The following LRTM3 variants were observed in gnomAD, a reference collection of about 807,000 sequenced individuals.
LRTM3 encodes leucine-rich repeat transmembrane protein 3.
At chr13:102,730,827 G>A in the LRTM3 span, 2 of 1,551,328 alleles carry the variant, frequency 1.3e-6, no homozygotes, top group African/African-American at 1.4e-5. Flanking sequence ...AGGAGAAAAC[G>A]AAGGTATTTG....
the LRTM3 span, chr13:102,742,112 A>G: frequency 4.5e-6 from 7 of 1,550,326 alleles, no homozygotes; most frequent in African/African-American, 2.7e-5. Flanking sequence ...AAGCTTTTTA[A>G]TGCTAGACAC....
At chr13:102,729,455 C>T in the LRTM3 span, 1 of 1,451,934 alleles carries the variant, frequency 6.9e-7, no homozygotes, top group East Asian at 2.5e-5. Flanking sequence ...GTAATGTCAG[C>T]TATGAAAAAC....
chr13:102,732,538 T>C, the LRTM3 span: 3 of 1,551,256 alleles, frequency 1.9e-6, no homozygotes, highest in African/African-American at 1.4e-5. Flanking sequence ...ATAATTTTTG[T>C]AGTTGAATGC....
chr13:102,736,091 A>G, the LRTM3 span: 2 of 1,541,046 alleles, frequency 1.3e-6, no homozygotes, highest in African/African-American at 1.4e-5. Context: ...TTTTAGTATT[A>G]CTTTATGTGA....
the LRTM3 span, chr13:102,746,785 T>C: frequency 1.3e-6 from 2 of 1,551,270 alleles, no homozygotes; most frequent in Non-Finnish European, 1.7e-6. Context: ...TTCCATTACT[T>C]GGAATATAAC....
At chr13:102,754,205 C>CAAAAAAA in the LRTM3 span, among the ~76,000 whole-genome samples, 2 of 77,324 alleles carry the variant, frequency 2.6e-5, no homozygotes, top group African/African-American at 1.1e-4. Flanking sequence ...ACTCCATCTC[C>CAAAAAAA]AAAAAAAAAA....
chr13:102,748,529 T>C, the LRTM3 span: 5 of 1,550,788 alleles, frequency 3.2e-6, no homozygotes, highest in Non-Finnish European at 4.4e-6. Flanking sequence ...ATGGGAATTT[T>C]CTGAACTTTG....
chr13:102,734,996 A>G, the LRTM3 span: 1 of 1,551,172 alleles, frequency 6.4e-7, no homozygotes, highest in South Asian at 1.2e-5. Context: ...GAGTTTTACT[A>G]GGGGAAAAGA....
the LRTM3 span, chr13:102,736,452 T>C: frequency 6.4e-7 from 1 of 1,551,162 alleles, no homozygotes. Context: ...TGTTTCTCTT[T>C]CTTTACAAGG....
At chr13:102,737,412 C>T in the LRTM3 span, 2 of 1,550,762 alleles carry the variant, frequency 1.3e-6, no homozygotes, top group Admixed American at 3.9e-5. Flanking sequence ...AGGAAGAGAA[C>T]TGTTTCCTGT....
chr13:102,729,852 C>A, the LRTM3 span: 23 of 1,551,762 alleles, frequency 1.5e-5, no homozygotes, highest in East Asian at 5.4e-4. Flanking sequence ...CTAAATAAAT[C>A]AGATCTGGCC....
the LRTM3 span, chr13:102,740,129 GT>G: frequency 2.3e-5 from 35 of 1,547,900 alleles, no homozygotes; most frequent in Non-Finnish European, 3.0e-5. Flanking sequence ...TGCCTTTTGT[GT>G]TTCTATCTTC....
At chr13:102,749,632 T>C in the LRTM3 span, 2 of 1,551,448 alleles carry the variant, frequency 1.3e-6, no homozygotes, top group East Asian at 2.4e-5. Context: ...AGGAGTCTTG[T>C]GTGCTGCTAG....
chr13:102,736,659 C>G, the LRTM3 span: 15 of 1,550,700 alleles, frequency 9.7e-6, no homozygotes, highest in African/African-American at 1.4e-5. Flanking sequence ...CCTTCTTGTG[C>G]CTTTTCCCCT....
At chr13:102,749,414 A>G in the LRTM3 span, 5 of 1,551,402 alleles carry the variant, frequency 3.2e-6, no homozygotes, top group Non-Finnish European at 4.4e-6. Context: ...ATTTGGATTC[A>G]GAGTTAAAAC....
chr13:102,734,714 C>G, the LRTM3 span: 1 of 1,551,134 alleles, frequency 6.4e-7, no homozygotes, highest in African/African-American at 1.4e-5. Context: ...TCTTTTAAGT[C>G]TTAGCATTTC....
At chr13:102,744,961 T>C in the LRTM3 span, 1 of 1,550,834 alleles carries the variant, frequency 6.4e-7, no homozygotes, top group Non-Finnish European at 8.7e-7. Context: ...TTGCACCAGT[T>C]AAAACTTCAC....
At chr13:102,748,888 A>G in the LRTM3 span, 1 of 1,550,068 alleles carries the variant, frequency 6.5e-7, no homozygotes. Context: ...TTTCCTTTTT[A>G]GTAATATCTG....
the LRTM3 span, chr13:102,758,592 A>C: frequency 6.5e-7 from 1 of 1,544,528 alleles, no homozygotes; most frequent in Non-Finnish European, 8.7e-7. Context: ...TTAATGGAAA[A>C]AAAATTGTTA....
Sources: allele counts gnomAD v4.1 joint callset (sites outside exome capture counted in the v4.1 genomes callset), GRCh38; gene constraint gnomAD v4.1.1; transcripts MANE v1.5; gene names NCBI Gene and HGNC (gene_info 2026-07-23, HGNC 2026-07-21).